Variants in ZNF85 observed in about 807,000 individuals in gnomAD.
ZNF85 encodes the protein zinc finger protein 85 (HPF4, HTF1).
In ZNF85, 50 loss-of-function variants were observed where a neutral mutation model predicts 53.9. The ratio of observed to expected loss-of-function variants is 0.93; its 90% confidence interval spans 0.74 to 1.17. The LOEUF is 1.17. Ranked by LOEUF, ZNF85 falls within the 50% of genes most tolerant of loss-of-function variation. ZNF85 has a pLI of 0.00. For missense variants in ZNF85, 747 were observed against 688.5 expected (o/e 1.08, Z -0.95); for synonymous variants, 225 against 226.1 (o/e 1.00, Z 0.04).
In ZNF85 at chr19:20,923,320, C is replaced by A. The variant is rs1972799308; in HGVS notation, c.-81C>A. On this transcript the variant is annotated 5_prime_UTR_variant, in exon 1 of 4. Coordinates refer to ENST00000328178, the MANE Select transcript of ZNF85 (RefSeq NM_003429.5). ...CTGCTTTGTGTTTTCTGCTCGTGGA[C>A]GCCCAGCCTCTGTGGCCCTGTGGCC... 3.7e-6 allele frequency: 6 copies of A among 1,605,386 alleles called. No homozygotes were observed. The highest frequency in any genetic ancestry group is 1.1e-5 in the South Asian group (1 of 90,828).
At chr19:20,941,188 G>A (rs7250207) in intron 3 of ZNF85, among the ~76,000 whole-genome samples, 117,269 of 152,078 alleles carry the variant, frequency 0.77, 45,688 homozygotes, top group Non-Finnish European at 0.83. Context: ...TGGCCATTCT[G>A]ATGGGTGTGA....
intron 2 of ZNF85, among the ~76,000 whole-genome samples, chr19:20,934,467 G>C (rs1036633707): frequency 2.0e-5 from 3 of 152,078 alleles, no homozygotes; most frequent in East Asian, 1.9e-4. Flanking sequence ...AATAGTACTG[G>C]ATAGTAAAAT....
rs757691989 is a variant in ZNF85, at chr19:20,933,995, G to GTA, written c.4-28_4-27insAT. On this transcript the variant is annotated intron_variant, in intron 1 of 3. Transcript: ENST00000328178. ...TGTGTGTGTGTGTGTGTGTGTGTGT[G>GTA]TGTATGTGTATGTGTGTGTATCTTT... 10 of 1,303,086 alleles carry GTA rather than the reference G, an allele frequency of 7.7e-6. No homozygotes were observed. The Admixed American group carries it at 1.7e-4, about 22-fold the overall frequency. The allele number at this position is 1,303,086 out of a possible 1,614,324, so 80.7% of individuals were successfully genotyped here.
At chr19:20,942,395 G>A (rs994023129) in intron 3 of ZNF85, among the ~76,000 whole-genome samples, 2 of 151,994 alleles carry the variant, frequency 1.3e-5, no homozygotes, top group African/African-American at 4.8e-5. Context: ...ACCTGCCTTG[G>A]CCTCCCAAAG....
At chr19:20,942,169 A>C (rs1367067758) in intron 3 of ZNF85, among the ~76,000 whole-genome samples, 3 of 146,316 alleles carry the variant, frequency 2.1e-5, no homozygotes, top group African/African-American at 7.5e-5. Context: ...ATTATTATTA[A>C]TTTTTTTTTT....
intron 3 of ZNF85, among the ~76,000 whole-genome samples, chr19:20,939,897 A>ATGT (rs1367685874): frequency 6.6e-6 from 1 of 151,418 alleles, no homozygotes; most frequent in East Asian, 2.0e-4. Flanking sequence ...GGGTTTCTCC[A>ATGT]TGTTGGTAAG....
chr19:20,930,663 G>A (rs1274644172), intron 1 of ZNF85, among the ~76,000 whole-genome samples: 1 of 152,198 alleles, frequency 6.6e-6, no homozygotes, highest in African/African-American at 2.4e-5. Flanking sequence ...ATTAGTACAG[G>A]TGTACATGTT....
Position 20,949,641 on chromosome 19 carries a change from G to A in ZNF85, c.1127G>A (p.Gly376Glu), listed in dbSNP as rs1370711852. The change falls in exon 4 of 4, where the codon GGA (glycine) becomes GAA (glutamate). Residue 376 changes from glycine (G) to glutamate (E), a missense_variant. Transcript: ENST00000328178. ...AAACCCTACAAATGTGAAAAATGTG[G>A]AAAAGCCTTTAATCATTTCTCACAC... The part of the protein sequence containing the change: ...GEKPYKCEKC[G>E]KAFNHFSHLT... 1 of 1,612,800 alleles carries A rather than the reference G, an allele frequency of 6.2e-7. No individual in the cohort carries two copies. Among genetic ancestry groups the A allele is most frequent in the Non-Finnish European group, 8.5e-7 (1 of 1,179,654 alleles).
rs527447497 is a variant in ZNF85 at position 20,948,833 on chromosome 19, T to C, written c.319T>C (p.Cys107Arg). The stretch of plus-strand genomic sequence containing the variant: ...AGTGACACTGAAAAGATATGGAAAA[T>C]GTAGACATGAAAATTTACCATTAAG... ...QKVTLKRYGKCRHENLPLRKG... is the reference protein window; with the variant it reads ...QKVTLKRYGKRRHENLPLRKG... The change falls in exon 4 of 4, where the codon TGT becomes CGT. Residue 107 changes from cysteine (C) to arginine (R), a missense_variant. Coordinates refer to ENST00000328178, the MANE Select transcript of ZNF85 (RefSeq NM_003429.5). 6.2e-7 allele frequency: 1 copy of C among 1,612,782 alleles called. No individual in the cohort carries two copies. The highest frequency in any genetic ancestry group is 8.5e-7 in the Non-Finnish European group (1 of 1,179,576).
In ZNF85 at chr19:20,948,840, A is replaced by C; in HGVS notation, c.326A>C (p.His109Pro). The C allele has an allele frequency of 1.2e-6, 2 of 1,613,204 alleles. No individual in the cohort carries two copies. Among genetic ancestry groups the C allele is most frequent in the African/African-American group, 2.7e-5 (2 of 75,040 alleles). ...VTLKRYGKCR[H>P]ENLPLRKGCE... ...CTGAAAAGATATGGAAAATGTAGAC[A>C]TGAAAATTTACCATTAAGAAAAGGC... The change falls in exon 4 of 4, where the codon CAT becomes CCT. Residue 109 changes from histidine to proline, a missense_variant. Coordinates refer to ENST00000328178, the MANE Select transcript of ZNF85 (RefSeq NM_003429.5).
chr19:20,934,857 AT>A (rs1417738308), intron 2 of ZNF85, 91 bp from the exon 3 acceptor site: 3 of 633,724 alleles, frequency 4.7e-6, no homozygotes, highest in Non-Finnish European at 7.5e-6. Flanking sequence ...ATAAATTAGT[AT>A]TTTGGGATTA....
intron 3 of ZNF85, chr19:20,943,618 T>A (rs895706903): frequency 1.3e-5 from 2 of 152,234 alleles, no homozygotes; most frequent in African/African-American, 4.8e-5. Flanking sequence ...ATATATTCTG[T>A]AACGTTGTCT....
intron 3 of ZNF85, among the ~76,000 whole-genome samples, chr19:20,941,302 C>T (rs1037361779): frequency 7.2e-5 from 11 of 152,034 alleles, no homozygotes; most frequent in Non-Finnish European, 1.3e-4. Flanking sequence ...CAGGTGGAGT[C>T]TTGCTCCAGG....
intron 2 of ZNF85, among the ~76,000 whole-genome samples, chr19:20,934,499 G>A (rs113661327): frequency 0.012 from 1,799 of 152,260 alleles, 32 homozygotes; most frequent in African/African-American, 0.034. Flanking sequence ...GCCAGGCTTG[G>A]TGGCTCACGC....
intron 3 of ZNF85, among the ~76,000 whole-genome samples, chr19:20,938,175 T>G (rs111745658): frequency 0.012 from 1,814 of 152,268 alleles, 34 homozygotes; most frequent in African/African-American, 0.034. Flanking sequence ...GTTTAAGTGA[T>G]TATCGTGCCT....
intron 3 of ZNF85, among the ~76,000 whole-genome samples, chr19:20,941,661 T>C: frequency 6.6e-6 from 1 of 152,278 alleles, no homozygotes; most frequent in South Asian, 2.1e-4. Flanking sequence ...TTCAACTTTA[T>C]TGTTAAGTTT....
At chr19:20,928,996 AAACC>A (rs1972944337) in intron 1 of ZNF85, among the ~76,000 whole-genome samples, 1 of 152,128 alleles carries the variant, frequency 6.6e-6, no homozygotes, top group African/African-American at 2.4e-5. Flanking sequence ...GCATAGCACC[AAACC>A]AATATTTATT....
In ZNF85 at chr19:20,942,036, T is replaced by A. The variant is rs144491049; in HGVS notation, c.230-6708T>A. 1.9e-3 allele frequency among the ~76,000 whole-genome samples: 297 copies of A among 152,316 alleles called. 2 individuals are homozygous for A. The highest frequency in any genetic ancestry group is 6.5e-3 in the African/African-American group (270 of 41,598). ...AGAGGTTATCTTTTTTTCTATTGTG[T>A]GCTCATGGCAACTTTACAAGATCAT... On this transcript the variant is annotated intron_variant, in intron 3 of 3. Coordinates refer to ENST00000328178, the MANE Select transcript of ZNF85 (RefSeq NM_003429.5).
chr19:20,944,740 G>A (rs1023737032), intron 3 of ZNF85, among the ~76,000 whole-genome samples: 5 of 151,366 alleles, frequency 3.3e-5, no homozygotes, highest in South Asian at 2.1e-4. Context: ...ATATTTTTGC[G>A]TTTTATATTT....
Sources: gnomAD v4.1 joint callset for allele counts (sites outside exome capture counted in the v4.1 genomes callset) on GRCh38, gnomAD v4.1.1 for gene constraint, MANE v1.5 for transcripts, NCBI Gene and HGNC (gene_info 2026-07-23, HGNC 2026-07-21) for gene names.